SCAMP5: variants seen among roughly 807,000 people sequenced by gnomAD.
The protein encoded by SCAMP5 is secretory carrier-associated membrane protein 5.
SCAMP5 carries 7 observed loss-of-function variants against 28.3 expected under a neutral mutation model. That is an observed-to-expected ratio of 0.25 (90% CI 0.14 to 0.46). The LOEUF (loss-of-function observed/expected upper bound fraction) is 0.46, where lower values mean the gene tolerates loss of function less well. Among genes scored for constraint, SCAMP5 ranks in the 20% least tolerant of loss-of-function variants. The pLI, the probability that SCAMP5 is intolerant of heterozygous loss-of-function variation, is 0.99. For synonymous variants in SCAMP5, 117 were observed against 116.4 expected (o/e 1.00, Z -0.03); for missense variants, 192 against 312.5 (o/e 0.61, Z 2.91).
chr15:75,000,145 T>G (rs2065690128), intron 1 of SCAMP5, among the ~76,000 whole-genome samples: 1 of 149,800 alleles, frequency 6.7e-6, no homozygotes, highest in East Asian at 1.9e-4. Context: ...GCACTTAGAT[T>G]TTTTTTTTAA....
In SCAMP5 at chr15:74,996,638, G is replaced by T. The variant is rs1328657925; in HGVS notation, c.-49+965G>T. ...GGGATGAAAACGAGCACAGCTGTTG[G>T]GGGCTGAGCCTGGGAGCTCAGCCAT... On this transcript the variant is annotated intron_variant, in intron 1 of 6. Transcript: ENST00000425597. The surrounding 1 kb of genome is among the most constrained non-coding windows in gnomAD (Gnocchi z 4.1). Among the ~76,000 whole-genome samples the T allele has an allele frequency of 6.6e-6, 1 of 152,334 alleles. No individual in the cohort carries two copies. Among genetic ancestry groups the T allele is most frequent in the African/African-American group, 2.4e-5 (1 of 41,568 alleles).
intron 4 of SCAMP5, chr15:75,017,618 C>A: frequency 1.7e-6 from 1 of 579,988 alleles, no homozygotes; most frequent in Non-Finnish European, 3.1e-6. Flanking sequence ...CCAATGAGGC[C>A]GTCCATCCAT....
At chr15:74,997,565 C>G (rs2065664781) in intron 1 of SCAMP5, among the ~76,000 whole-genome samples, 1 of 152,228 alleles carries the variant, frequency 6.6e-6, no homozygotes, top group Middle Eastern at 3.4e-3. Context: ...GGAAAGGCTT[C>G]CCAGAAGGGG....
At position 75,019,046 on chromosome 15, in the gene SCAMP5, G is replaced by A. The variant is rs929578353; in HGVS notation, c.*63G>A. ...TGGGACAGGGGGCTCAAGCCACATC[G>A]TCATTTGTGGTTACCAAGCAGGGTT... is the stretch of plus-strand genomic sequence containing the variant. On this transcript the variant is annotated 3_prime_UTR_variant, in exon 7 of 7. Transcript: ENST00000425597. 2.5e-5 allele frequency: 30 copies of A among 1,187,768 alleles called. No homozygotes were observed. Among genetic ancestry groups the A allele is most frequent in the East Asian group, 5.3e-5 (2 of 37,658 alleles). 73.6% of individuals were successfully genotyped at this position (1,187,768 alleles called of 1,614,324 possible). A position where few individuals can be genotyped will look rare whatever the true frequency, so the allele number is the denominator to read the frequency against.
At chr15:75,012,351 A>G (rs6495138) in intron 2 of SCAMP5, among the ~76,000 whole-genome samples, 30,430 of 152,176 alleles carry the variant, frequency 0.2, 4,830 homozygotes, top group South Asian at 0.43. Flanking sequence ...AGATTCTCAC[A>G]CATCCGCTTC....
chr15:75,018,939 C>T lies in SCAMP5; in HGVS notation c.664C>T (p.Gln222Ter). The change falls in exon 7 of 7, where the codon CAG becomes TAG. Residue 222 changes from glutamine (Q) to a stop codon, truncating the protein, a stop_gained. Coordinates refer to ENST00000425597, the MANE Select transcript of SCAMP5 (RefSeq NM_138967.4). LOFTEE classifies it high-confidence loss of function. The surrounding 1 kb of genome is among the most constrained non-coding windows in gnomAD (Gnocchi z 5.6). ...GGGTGCCATGAATCAGCCTCAGACT[C>T]AGTATTCCGCCACCCCCAATTACAC... is the stretch of plus-strand genomic sequence containing the variant. ...AQGAMNQPQTQYSATPNYTYS... is the reference protein window; with the variant it reads ...AQGAMNQPQT 2.6e-6 allele frequency: 4 copies of T among 1,550,040 alleles called. No individual in the cohort carries two copies. The highest frequency in any genetic ancestry group is 3.5e-6 in the Non-Finnish European group (4 of 1,157,032).
Position 75,018,952 on chromosome 15 carries a change from C to T in SCAMP5, c.677C>T (p.Thr226Ile). 1 of 1,536,194 alleles carries T rather than the reference C, an allele frequency of 6.5e-7. No homozygotes were observed. Among genetic ancestry groups the T allele is most frequent in the Non-Finnish European group, 8.7e-7 (1 of 1,150,188 alleles). Residue 226 changes from threonine to isoleucine, a missense_variant, in exon 7 of 7, where the codon ACC (threonine) becomes ATC (isoleucine). By Grantham distance (89) the Thr-to-Ile change is moderately conservative. Coordinates refer to ENST00000425597, the MANE Select transcript of SCAMP5 (RefSeq NM_138967.4). The surrounding 1 kb of genome is among the most constrained non-coding windows in gnomAD (Gnocchi z 5.6). ...CAGCCTCAGACTCAGTATTCCGCCACCCCCAATTACACGTACTCCAATGAG... is the reference window on the plus strand; with the variant it reads ...CAGCCTCAGACTCAGTATTCCGCCATCCCCAATTACACGTACTCCAATGAG... ...MNQPQTQYSA[T>I]PNYTYSNEM
rs1171094951 is a variant in SCAMP5 at position 74,995,634 on chromosome 15, G to T, written c.-88G>T. The T allele has an allele frequency of 1.3e-5, 2 of 148,304 alleles. No homozygotes were observed. The highest frequency in any genetic ancestry group is 2.5e-5 in the African/African-American group (1 of 40,496). 9.2% of individuals were successfully genotyped at this position (148,304 alleles called of 1,614,324 possible). A position where few individuals can be genotyped will look rare whatever the true frequency, so the allele number is the denominator to read the frequency against. On this transcript the variant is annotated 5_prime_UTR_variant, in exon 1 of 7. Transcript: ENST00000425597. Reference sequence around the variant, plus strand: ...TCGCTCGGGTGCAGCGCAGCTCAGCGCAGCGCTGCGGCCTTTCGGCAGCCG... The same window carrying T: ...TCGCTCGGGTGCAGCGCAGCTCAGCTCAGCGCTGCGGCCTTTCGGCAGCCG...
chr15:75,018,738 G>A lies in SCAMP5; in HGVS notation c.514-51G>A. The A allele has an allele frequency of 7.3e-7, 1 of 1,376,916 alleles. No individual in the cohort carries two copies. 85.3% of individuals were successfully genotyped at this position (1,376,916 alleles called of 1,614,324 possible). ...GATGGGTCCCATCTATTTCCTGGAT[G>A]GGCTGCCTTTTCTCTTTGATTAACC... On this transcript the variant is annotated intron_variant, in intron 6 of 6. Coordinates refer to ENST00000425597, the MANE Select transcript of SCAMP5 (RefSeq NM_138967.4). This position sits in a 1 kb window ranked among gnomAD's most constrained non-coding sequence, Gnocchi z 5.6.
chr15:75,004,063 C>T (rs1385334196), intron 1 of SCAMP5, among the ~76,000 whole-genome samples: 2 of 152,062 alleles, frequency 1.3e-5, no homozygotes, highest in Admixed American at 6.5e-5. Context: ...CACCACCATG[C>T]CCGGCTAATT....
chr15:75,015,606 A>G (rs1390720777), intron 3 of SCAMP5, among the ~76,000 whole-genome samples: 1 of 152,194 alleles, frequency 6.6e-6, no homozygotes, highest in Non-Finnish European at 1.5e-5. Context: ...GACTTCTTCA[A>G]GGAGCTGGCA....
chr15:74,997,946 G>A (rs1658197763), intron 1 of SCAMP5, among the ~76,000 whole-genome samples: 1 of 152,172 alleles, frequency 6.6e-6, no homozygotes, highest in South Asian at 2.1e-4. Context: ...CATCTTAGCA[G>A]GTTGGCTCTG....
chr15:74,995,991 C>G (rs1339820262), intron 1 of SCAMP5: 4 of 152,700 alleles, frequency 2.6e-5, no homozygotes, highest in Non-Finnish European at 5.8e-5. Flanking sequence ...GCCCTCCATC[C>G]CCCCCGCCAG....
chr15:75,016,831 T>C (rs2141455314), intron 4 of SCAMP5, 82 bp downstream of exon 4: 3 of 338,148 alleles, frequency 8.9e-6, no homozygotes, highest in South Asian at 8.9e-5. Context: ...TCTCACTTCT[T>C]TTTTTTTTTT....
rs1034521197 is a variant in SCAMP5 at position 75,020,346 on chromosome 15, G to A, written c.*1363G>A. The stretch of plus-strand genomic sequence containing the variant: ...ACCCTGGCTTGCTCTTGGTCACAGG[G>A]CGGTTCTGGGCACTTGAACTCAGGG... On this transcript the variant is annotated 3_prime_UTR_variant, in exon 7 of 7. Coordinates refer to ENST00000425597, the MANE Select transcript of SCAMP5 (RefSeq NM_138967.4). 1.3e-5 allele frequency: 2 copies of A among 152,636 alleles called. No individual in the cohort carries two copies. The highest frequency in any genetic ancestry group is 4.8e-5 in the African/African-American group (2 of 41,400). 9.5% of individuals were successfully genotyped at this position (152,636 alleles called of 1,614,324 possible).
rs957164327 is a variant in SCAMP5 at position 75,008,852 on chromosome 15, C to A, written c.-48-2940C>A. 2.6e-5 allele frequency among the ~76,000 whole-genome samples: 4 copies of A among 152,132 alleles called. No individual in the cohort carries two copies. The East Asian group carries it at 7.7e-4, about 29-fold the overall frequency. On this transcript the variant is annotated intron_variant, in intron 1 of 6. Coordinates refer to ENST00000425597, the MANE Select transcript of SCAMP5 (RefSeq NM_138967.4). ...TATTGTATGATGCACCTCGTATATTCAAATAGTCACATTTAGGTTGCTTTA... is the reference window on the plus strand; with the variant it reads ...TATTGTATGATGCACCTCGTATATTAAAATAGTCACATTTAGGTTGCTTTA...
intron 1 of SCAMP5, among the ~76,000 whole-genome samples, chr15:75,010,772 CCTGT>C (rs967225022): frequency 2.6e-5 from 4 of 150,948 alleles, no homozygotes; most frequent in African/African-American, 7.4e-5. Context: ...AGAGTGAGAC[CCTGT>C]CTAAGAAAAA....
At chr15:75,003,061 G>T (rs1274294177) in intron 1 of SCAMP5, among the ~76,000 whole-genome samples, 1 of 152,166 alleles carries the variant, frequency 6.6e-6, no homozygotes, top group Non-Finnish European at 1.5e-5. Context: ...CTCCTGTGTA[G>T]CTGGGATTAC....
chr15:75,003,630 C>T (rs1261890170), intron 1 of SCAMP5, among the ~76,000 whole-genome samples: 4 of 151,940 alleles, frequency 2.6e-5, no homozygotes, highest in Non-Finnish European at 5.9e-5. Flanking sequence ...GGCAATGTAG[C>T]GAGACCTCGT....
Sources: gnomAD v4.1 joint callset for allele counts (sites outside exome capture counted in the v4.1 genomes callset) on GRCh38, gnomAD v4.1.1 for gene constraint, Gnocchi (gnomAD v3.1) non-coding constraint, MANE v1.5 for transcripts, NCBI Gene and HGNC (gene_info 2026-07-23, HGNC 2026-07-21) for gene names.